Variants in GATAD2B observed in about 807,000 individuals in gnomAD.
The protein encoded by GATAD2B is GATA zinc finger domain containing 2B, also known as transcriptional repressor p66-beta.
In GATAD2B, 8 loss-of-function variants were observed where a neutral mutation model predicts 64.3. The ratio of observed to expected loss-of-function variants is 0.12; its 90% CI spans 0.07 to 0.22. GATAD2B has a LOEUF of 0.22. Ranked by LOEUF, GATAD2B falls within the 10% of genes least tolerant of loss-of-function variation. The pLI is 1.00. For synonymous variants in GATAD2B, 281 were observed against 271.3 expected (o/e 1.04, Z -0.35); for missense variants, 453 against 752.0 (o/e 0.60, Z 4.65).
rs569755277 is a variant in GATAD2B at position 153,825,662 on chromosome 1, G to C, written c.335+2351C>G. 2.1e-4 allele frequency among the ~76,000 whole-genome samples: 32 copies of C among 152,240 alleles called. 1 individual carries two copies. The highest frequency in any genetic ancestry group is 3.4e-3 in the Middle Eastern group (1 of 294). On this transcript the variant is annotated intron_variant, in intron 2 of 10. Transcript: ENST00000368655. Reference sequence around the variant, plus strand: ...GCTGGTCTCAAACTCCTGACCTCAGGTGATCCACCCGCCTCGGCCTCAAAG... The same window carrying C: ...GCTGGTCTCAAACTCCTGACCTCAGCTGATCCACCCGCCTCGGCCTCAAAG...
At chr1:153,817,857 A>T (rs1471117595) in intron 5 of GATAD2B, among the ~76,000 whole-genome samples, 183 bp downstream of exon 5, 1 of 152,194 alleles carries the variant, frequency 6.6e-6, no homozygotes, top group Non-Finnish European at 1.5e-5. Context: ...TACAGTGGAA[A>T]CATGAAAGTT....
In GATAD2B at chr1:153,852,107, T is replaced by A. The variant is rs1675917870; in HGVS notation, c.-1-23759A>T. Reference sequence around the variant, plus strand: ...TGGTGACAGGGGCAAGTTTAATGAGTTTTGTGCTCAGATCGCTGGGCCTCC... The same window carrying A: ...TGGTGACAGGGGCAAGTTTAATGAGATTTGTGCTCAGATCGCTGGGCCTCC... On this transcript the variant is annotated intron_variant, in intron 1 of 10. Coordinates refer to ENST00000368655, the MANE Select transcript of GATAD2B (RefSeq NM_020699.4). The A allele has an allele frequency of 6.5e-6, 4 of 613,488 alleles. No homozygotes were observed. The East Asian group carries it at 1.1e-4, about 17-fold the overall frequency. 38.0% of individuals were successfully genotyped at this position (613,488 alleles called of 1,614,324 possible). A position where few individuals can be genotyped will look rare whatever the true frequency, so the allele number is the denominator to read the frequency against.
In GATAD2B at chr1:153,816,292, C is replaced by T. The variant is rs752287979; in HGVS notation, c.1197G>A (p.Gln399=). ...CCTTACCTTGGCTGTCAATGACACTCTGTACGACTTCTTCCAAGCCTACCA... is the reference window on the plus strand; with the variant it reads ...CCTTACCTTGGCTGTCAATGACACTTTGTACGACTTCTTCCAAGCCTACCA... The part of the protein sequence containing the change: ...IYMVGLEEVV[Q]SVIDSQGKSC... The change falls in exon 7 of 11, where the codon CAG becomes CAA. Residue 399 remains glutamine, a synonymous_variant. Coordinates refer to ENST00000368655, the MANE Select transcript of GATAD2B (RefSeq NM_020699.4). This position sits in a 1 kb window ranked among gnomAD's most constrained non-coding sequence, Gnocchi z 4.9. The T allele has an allele frequency of 3.1e-6, 5 of 1,612,402 alleles. No individual in the cohort carries two copies. The highest frequency in any genetic ancestry group is 1.3e-5 in the African/African-American group (1 of 74,908).
At chr1:153,853,688 T>C (rs931855980) in intron 1 of GATAD2B, among the ~76,000 whole-genome samples, 2 of 152,194 alleles carry the variant, frequency 1.3e-5, no homozygotes, top group African/African-American at 2.4e-5. Context: ...CCAAGACCAA[T>C]GTCATAATGC....
intron 1 of GATAD2B, among the ~76,000 whole-genome samples, chr1:153,894,734 C>T (rs1413969654): frequency 1.3e-5 from 2 of 152,134 alleles, no homozygotes; most frequent in African/African-American, 4.8e-5. Context: ...TGGTGGCACG[C>T]GCCTGCAGTC....
At chr1:153,922,478 C>A (rs1293295295) in intron 1 of GATAD2B, among the ~76,000 whole-genome samples, 1 of 143,270 alleles carries the variant, frequency 7.0e-6, no homozygotes, top group African/African-American at 2.6e-5. Context: ...GTCGCGCGCG[C>A]CAAGGGGGGA....
intron 1 of GATAD2B, among the ~76,000 whole-genome samples, chr1:153,885,816 C>T (rs753736121): frequency 6.1e-5 from 9 of 147,640 alleles, no homozygotes; most frequent in Non-Finnish European, 1.2e-4. Context: ...TGAGCCAAGA[C>T]GGCGCCACTG....
intron 8 of GATAD2B, 72 bp downstream of exon 8, chr1:153,813,178 C>CA: frequency 8.4e-7 from 1 of 1,196,872 alleles, no homozygotes; most frequent in South Asian, 1.2e-5. Context: ...ACCACTCCTG[C>CA]AAACTAGAAG....
At chr1:153,896,691 C>T (rs1256630943) in intron 1 of GATAD2B, among the ~76,000 whole-genome samples, 6 of 152,110 alleles carry the variant, frequency 3.9e-5, no homozygotes, top group Admixed American at 3.9e-4. Flanking sequence ...CTGGCTCGGC[C>T]TCCCAAAGTG....
At chr1:153,860,564 G>A (rs1570967376) in intron 1 of GATAD2B, among the ~76,000 whole-genome samples, 1 of 151,744 alleles carries the variant, frequency 6.6e-6, no homozygotes, top group East Asian at 1.9e-4. Context: ...CAAACTCCCA[G>A]CTTCAGGTGA....
At chr1:153,823,887 G>A (rs1305527555) in intron 2 of GATAD2B, among the ~76,000 whole-genome samples, 5 of 151,856 alleles carry the variant, frequency 3.3e-5, no homozygotes, top group East Asian at 1.9e-4. Flanking sequence ...CCGCCACCAC[G>A]CCTGGCTAAT....
intron 1 of GATAD2B, chr1:153,886,294 C>T (rs1677181427): frequency 6.6e-6 from 1 of 152,098 alleles, no homozygotes; most frequent in Non-Finnish European, 1.5e-5. Context: ...ATGGTATAGC[C>T]TATTGCTCCT....
intron 1 of GATAD2B, among the ~76,000 whole-genome samples, chr1:153,911,453 G>A (rs1399631636): frequency 1.3e-5 from 2 of 152,072 alleles, no homozygotes. Flanking sequence ...ACAACTTCCG[G>A]GCCAAGTGTG....
At chr1:153,901,288 T>C (rs768631123) in intron 1 of GATAD2B, among the ~76,000 whole-genome samples, 8 of 151,946 alleles carry the variant, frequency 5.3e-5, no homozygotes, top group African/African-American at 1.2e-4. Context: ...GGTGGAGAGG[T>C]TGCAGTGAGC....
chr1:153,897,853 T>G (rs2101956804), intron 1 of GATAD2B, among the ~76,000 whole-genome samples: 1 of 152,136 alleles, frequency 6.6e-6, no homozygotes, highest in South Asian at 2.1e-4. Context: ...ATTCAAATAT[T>G]TCGTTCCCTG....
chr1:153,817,355 G>C lies in GATAD2B; in HGVS notation c.900+17C>G. ...GGGATTTCTCTGTTTCCACATTAGG[G>C]CTCAGCTCTCTCTTACCGGTTGATA... On this transcript the variant is annotated intron_variant, in intron 6 of 10. Transcript: ENST00000368655. 1 of 1,522,748 alleles carries C rather than the reference G, an allele frequency of 6.6e-7. No individual in the cohort carries two copies. The highest frequency in any genetic ancestry group is 1.3e-5 in the South Asian group (1 of 76,440). 94.3% of individuals were successfully genotyped at this position (1,522,748 alleles called of 1,614,324 possible).
At chr1:153,879,034 G>A (rs1322380059) in intron 1 of GATAD2B, among the ~76,000 whole-genome samples, 1 of 152,022 alleles carries the variant, frequency 6.6e-6, no homozygotes, top group African/African-American at 2.4e-5. Flanking sequence ...CCGCCTCCCG[G>A]GTTCAAGCGA....
intron 1 of GATAD2B, among the ~76,000 whole-genome samples, chr1:153,833,811 C>CAAAAAA (rs71093292): frequency 8.9e-4 from 55 of 61,622 alleles, no homozygotes; most frequent in East Asian, 2.6e-3. Flanking sequence ...ACTCAGTCTC[C>CAAAAAA]AAAAAAAAAA....
At chr1:153,826,367 G>A (rs1026844416) in intron 2 of GATAD2B, among the ~76,000 whole-genome samples, 1 of 151,866 alleles carries the variant, frequency 6.6e-6, no homozygotes, top group African/African-American at 2.4e-5. Context: ...GATGGCTCAT[G>A]CCTATAATCC....
Sources: gnomAD v4.1 joint callset for allele counts (sites outside exome capture counted in the v4.1 genomes callset) on GRCh38, gnomAD v4.1.1 for gene constraint, Gnocchi (gnomAD v3.1) non-coding constraint, MANE v1.5 for transcripts, NCBI Gene and HGNC (gene_info 2026-07-23, HGNC 2026-07-21) for gene names.